Variants in RANBP2 observed in about 807,000 individuals in gnomAD.
The protein encoded by RANBP2 is RAN binding protein 2.
A neutral mutation model predicts 303.6 loss-of-function variants in RANBP2; 57 were observed. That is an observed-to-expected ratio of 0.19 (90% CI 0.15 to 0.23). The LOEUF is 0.23. Ranked by LOEUF, RANBP2 falls within the 10% of genes least tolerant of loss-of-function variation. The probability of loss-of-function intolerance (pLI) is 1.00; values close to 1 mark genes in which losing one functional copy is unlikely to be tolerated. For missense variants in RANBP2, 3,138 were observed against 3,780.8 expected, an observed-to-expected ratio of 0.83 and a Z score of 4.46; for synonymous variants, 1,167 against 1,301.5, an observed-to-expected ratio of 0.90 and a Z score of 2.23.
the RANBP2 span, among the ~76,000 whole-genome samples, chr2:108,842,845 C>T: frequency 6.6e-6 from 1 of 152,200 alleles, no homozygotes; most frequent in South Asian, 2.1e-4. Context: ...TTCACTACAA[C>T]ATTATGTAGA....
At chr2:109,224,161 A>G in the RANBP2 span, among the ~76,000 whole-genome samples, 2 of 152,276 alleles carry the variant, frequency 1.3e-5, no homozygotes, top group Admixed American at 1.3e-4. Context: ...TGGCAGGCCT[A>G]GAGAGTGTGT....
At chr2:109,616,667 G>A in the RANBP2 span, 1 of 167,036 alleles carries the variant, frequency 6.0e-6, no homozygotes, top group East Asian at 1.9e-4. Context: ...ATTGTAAGTA[G>A]CAGTTAAATT....
At chr2:109,107,041 G>A in the RANBP2 span, among the ~76,000 whole-genome samples, 1 of 149,434 alleles carries the variant, frequency 6.7e-6, no homozygotes, top group Non-Finnish European at 1.5e-5. Context: ...GGGTTCAAGC[G>A]ATTCTTCTGC....
At chr2:109,102,980 G>T in the RANBP2 span, among the ~76,000 whole-genome samples, 1 of 152,166 alleles carries the variant, frequency 6.6e-6, no homozygotes, top group Non-Finnish European at 1.5e-5. Flanking sequence ...CACTCAGGTC[G>T]CTTTAGTAAA....
At chr2:108,936,121 G>GC in the RANBP2 span, among the ~76,000 whole-genome samples, 2 of 152,222 alleles carry the variant, frequency 1.3e-5, no homozygotes, top group African/African-American at 2.4e-5. Context: ...ACCCAGTTGG[G>GC]CCCCCCTTGA....
chr2:109,044,328 G>C, the RANBP2 span, among the ~76,000 whole-genome samples: 15 of 152,042 alleles, frequency 9.9e-5, no homozygotes, highest in East Asian at 2.9e-3. Flanking sequence ...AGACCGTCCT[G>C]GCCAACACGG....
the RANBP2 span, among the ~76,000 whole-genome samples, chr2:109,641,421 A>T: frequency 6.6e-6 from 1 of 152,226 alleles, no homozygotes; most frequent in Non-Finnish European, 1.5e-5. Flanking sequence ...CTAAAAAAGA[A>T]GGAAATCCTG....
the RANBP2 span, among the ~76,000 whole-genome samples, chr2:109,111,739 G>C: frequency 6.7e-6 from 1 of 149,324 alleles, no homozygotes; most frequent in East Asian, 2.0e-4. Flanking sequence ...CCATTAACTC[G>C]TCATTTAGCA....
the RANBP2 span, among the ~76,000 whole-genome samples, chr2:109,716,209 A>AT: frequency 2.0e-5 from 3 of 151,744 alleles, no homozygotes; most frequent in East Asian, 5.8e-4. Context: ...TTAGCACTTT[A>AT]TTTTTTTTAA....
intron 8 of RANBP2, among the ~76,000 whole-genome samples, chr2:108,747,257 T>C (rs1368645443): frequency 1.3e-5 from 2 of 152,198 alleles, no homozygotes; most frequent in African/African-American, 4.8e-5. Flanking sequence ...GTGGATTTTT[T>C]CCCCCATTTT....
chr2:108,874,127 C>A, the RANBP2 span, among the ~76,000 whole-genome samples: 5 of 152,018 alleles, frequency 3.3e-5, no homozygotes, highest in African/African-American at 1.2e-4. Flanking sequence ...AGAATAAATT[C>A]TTGCATACTG....
At chr2:109,437,277 G>C in the RANBP2 span, 15 of 1,378,952 alleles carry the variant, frequency 1.1e-5, no homozygotes, top group East Asian at 3.8e-4. Flanking sequence ...GGCAGCTGGA[G>C]AAACTTAAGG....
At chr2:109,533,337 CT>C in the RANBP2 span, among the ~76,000 whole-genome samples, 2 of 152,204 alleles carry the variant, frequency 1.3e-5, no homozygotes, top group African/African-American at 4.8e-5. Context: ...GTCTGTTTAT[CT>C]TTTTTGTTAG....
At chr2:108,837,084 G>A in the RANBP2 span, among the ~76,000 whole-genome samples, 3,029 of 152,198 alleles carry the variant, frequency 0.02, 98 homozygotes, top group African/African-American at 0.07. Context: ...GTACTATAGT[G>A]AACAGAAGTG....
At chr2:109,370,227 GTCTCTC>G in the RANBP2 span, among the ~76,000 whole-genome samples, 70 of 96,692 alleles carry the variant, frequency 7.2e-4, 1 homozygote, top group Middle Eastern at 0.033. Flanking sequence ...CTCTGTCTCT[GTCTCTC>G]TCTCTCTTTT....
chr2:109,573,124 TTTAA>T, the RANBP2 span, among the ~76,000 whole-genome samples: 1 of 152,172 alleles, frequency 6.6e-6, no homozygotes, highest in African/African-American at 2.4e-5. Flanking sequence ...CATGGATCAA[TTTAA>T]TTAATTTTCA....
chr2:109,019,132 G>A, the RANBP2 span, among the ~76,000 whole-genome samples: 1 of 152,252 alleles, frequency 6.6e-6, no homozygotes, highest in African/African-American at 2.4e-5. Flanking sequence ...TGCCGTCTCG[G>A]TAATGCTGTG....
chr2:109,316,388 GT>G, the RANBP2 span, among the ~76,000 whole-genome samples: 1 of 152,206 alleles, frequency 6.6e-6, no homozygotes, highest in African/African-American at 2.4e-5. Flanking sequence ...CTGGTGCCAT[GT>G]TTCTCCCTGG....
At position 108,763,812 on chromosome 2, in the gene RANBP2, A is replaced by C; in HGVS notation, c.3273A>C (p.Gln1091His). The C allele has an allele frequency of 6.2e-7, 1 of 1,614,124 alleles. No homozygotes were observed. The highest frequency in any genetic ancestry group is 8.5e-7 in the Non-Finnish European group (1 of 1,179,984). ...YSGAKPIPGG[Q>H]TIGPRNTFNF... ...GAGCCAAACCAATTCCTGGTGGTCAAACCATTGGGCCTCGAAATACATTCA... is the reference window on the plus strand; with the variant it reads ...GAGCCAAACCAATTCCTGGTGGTCACACCATTGGGCCTCGAAATACATTCA... Residue 1091 changes from glutamine to histidine, a missense_variant, in exon 20 of 29, where the codon CAA (glutamine) becomes CAC (histidine). This residue lies in a region of RANBP2 where 403 missense variants were observed against 376.7 expected (regional missense o/e 1.07). Transcript: ENST00000283195.
Sources: allele counts gnomAD v4.1 joint callset (sites outside exome capture counted in the v4.1 genomes callset), GRCh38; gene constraint gnomAD v4.1.1; regional missense constraint gnomAD v4.1.1; transcripts MANE v1.5; gene names NCBI Gene and HGNC (gene_info 2026-07-23, HGNC 2026-07-21).